PRKG1: variants seen among roughly 807,000 people sequenced by gnomAD.
PRKG1 encodes the protein protein kinase cGMP-dependent 1.
Under a neutral mutation model 88.1 loss-of-function variants are expected in PRKG1, and 35 were observed. The observed-to-expected ratio is 0.40, with a 90% CI of 0.30 to 0.53. The LOEUF is 0.53. Among genes scored for constraint, PRKG1 ranks in the 20% least tolerant of loss-of-function variants. PRKG1 has a pLI of 0.59. For missense variants in PRKG1, 540 were observed against 839.8 expected, an observed-to-expected ratio of 0.64 and a Z score of 4.41; for synonymous variants, 303 against 292.5, an observed-to-expected ratio of 1.04 and a Z score of -0.37.
intron 3 of PRKG1, among the ~76,000 whole-genome samples, chr10:51,476,976 A>G (rs10762173): frequency 0.7 from 105,514 of 151,812 alleles, 38,031 homozygotes; most frequent in African/African-American, 0.84. Flanking sequence ...GATCGATACT[A>G]CAATTGCATA....
At chr10:51,029,764 G>A (rs148891142) in intron 1 of PRKG1, among the ~76,000 whole-genome samples, 1 of 152,046 alleles carries the variant, frequency 6.6e-6, no homozygotes, top group Non-Finnish European at 1.5e-5. Context: ...AAATGAAATC[G>A]TGGCTTTGAT....
chr10:51,467,269 T>A (rs10997653), intron 2 of PRKG1, among the ~76,000 whole-genome samples: 1 of 151,708 alleles, frequency 6.6e-6, no homozygotes, highest in Non-Finnish European at 1.5e-5. Flanking sequence ...AAAGATACCA[T>A]GAGCAGAATT....
chr10:51,667,705 A>C (rs556220959), intron 3 of PRKG1, among the ~76,000 whole-genome samples: 32 of 152,240 alleles, frequency 2.1e-4, no homozygotes, highest in African/African-American at 6.7e-4. Flanking sequence ...ATACTGCTCA[A>C]ATTTATTAAG....
chr10:51,672,939 C>T (rs1323760485), intron 3 of PRKG1, among the ~76,000 whole-genome samples: 1 of 152,134 alleles, frequency 6.6e-6, no homozygotes, highest in Non-Finnish European at 1.5e-5. Flanking sequence ...TTCATAGGCA[C>T]ATGATTTGTT....
chr10:52,053,393 T>G (rs1354197003), intron 5 of PRKG1, among the ~76,000 whole-genome samples: 1 of 152,212 alleles, frequency 6.6e-6, no homozygotes, highest in African/African-American at 2.4e-5. Flanking sequence ...CTTAGCACTT[T>G]ATGTGTTAAG....
chr10:51,166,802 G>A (rs571295365), intron 2 of PRKG1, among the ~76,000 whole-genome samples: 78 of 152,288 alleles, frequency 5.1e-4, no homozygotes, highest in Non-Finnish European at 1.1e-3. Context: ...TCCACCTGCA[G>A]AAAGGGTGGT....
intron 3 of PRKG1, among the ~76,000 whole-genome samples, chr10:51,482,216 C>T (rs1006667112): frequency 2.6e-5 from 4 of 152,234 alleles, no homozygotes; most frequent in Admixed American, 6.5e-5. Context: ...CAAGTATGAA[C>T]GACATCCCTG....
At position 52,101,769 on chromosome 10, in the gene PRKG1, A is replaced by T. The variant is rs201699894; in HGVS notation, c.936-32071A>T. 5.3e-5 allele frequency among the ~76,000 whole-genome samples: 8 copies of T among 152,322 alleles called. No homozygotes were observed. The East Asian group carries it at 1.5e-3, about 29-fold the overall frequency. ...CTAGAATGAAATTGACAGAGGTTGTATTAGTTTCCTATTGCCAGTATAATG... is the reference window on the plus strand; with the variant it reads ...CTAGAATGAAATTGACAGAGGTTGTTTTAGTTTCCTATTGCCAGTATAATG... On this transcript the variant is annotated intron_variant, in intron 7 of 17. Coordinates refer to ENST00000373980, the MANE Select transcript of PRKG1 (RefSeq NM_006258.4).
chr10:51,454,741 C>T (rs1187179029), intron 2 of PRKG1, among the ~76,000 whole-genome samples: 1 of 152,164 alleles, frequency 6.6e-6, no homozygotes, highest in Non-Finnish European at 1.5e-5. Context: ...TTATTCACTA[C>T]CATGAGAACA....
At chr10:51,824,111 T>G (rs962824589) in intron 4 of PRKG1, among the ~76,000 whole-genome samples, 13 of 152,058 alleles carry the variant, frequency 8.5e-5, no homozygotes, top group African/African-American at 3.1e-4. Flanking sequence ...TGGGCTCAAG[T>G]GATTCTCCCG....
intron 3 of PRKG1, among the ~76,000 whole-genome samples, chr10:51,478,801 A>C (rs751812336): frequency 3.3e-5 from 5 of 152,058 alleles, no homozygotes; most frequent in Non-Finnish European, 7.4e-5. Flanking sequence ...GTGGAACCCA[A>C]AATGTAATAC....
chr10:51,526,124 C>A (rs1040392788), intron 3 of PRKG1, among the ~76,000 whole-genome samples: 1 of 151,962 alleles, frequency 6.6e-6, no homozygotes, highest in East Asian at 1.9e-4. Flanking sequence ...CCAGTCACTT[C>A]GCTACTATTA....
intron 3 of PRKG1, among the ~76,000 whole-genome samples, chr10:51,496,200 G>A (rs1458954287): frequency 2.6e-5 from 4 of 152,132 alleles, no homozygotes; most frequent in Non-Finnish European, 4.4e-5. Flanking sequence ...TATTCTGTAT[G>A]TCAGAATTTC....
intron 5 of PRKG1, among the ~76,000 whole-genome samples, chr10:51,950,398 T>G (rs1843154062): frequency 6.6e-6 from 1 of 152,224 alleles, no homozygotes; most frequent in African/African-American, 2.4e-5. Flanking sequence ...TCAATTAGAC[T>G]TATATGAGAG....
chr10:51,269,089 T>C (rs1042889082), intron 2 of PRKG1, among the ~76,000 whole-genome samples: 1 of 152,088 alleles, frequency 6.6e-6, no homozygotes, highest in Non-Finnish European at 1.5e-5. Context: ...CAAAAGAAGA[T>C]ATACAAATAG....
intron 5 of PRKG1, among the ~76,000 whole-genome samples, chr10:52,001,378 A>ATG (rs1844593204): frequency 1.3e-5 from 2 of 151,178 alleles, no homozygotes; most frequent in Admixed American, 6.6e-5. Flanking sequence ...AAAAAAAAAC[A>ATG]TAACTATGTG....
At chr10:51,974,465 A>G (rs1414531889) in intron 5 of PRKG1, among the ~76,000 whole-genome samples, 1 of 152,106 alleles carries the variant, frequency 6.6e-6, no homozygotes, top group African/African-American at 2.4e-5. Flanking sequence ...TCAAAGTCCA[A>G]ACTTGATCCA....
At chr10:51,727,978 G>A (rs1041431502) in intron 3 of PRKG1, among the ~76,000 whole-genome samples, 18 of 152,158 alleles carry the variant, frequency 1.2e-4, no homozygotes, top group African/African-American at 4.3e-4. Flanking sequence ...TGTCTTCCCT[G>A]CAATTTGGAA....
chr10:51,415,122 CAGT>C (rs1266299340), intron 2 of PRKG1, among the ~76,000 whole-genome samples: 4 of 152,182 alleles, frequency 2.6e-5, no homozygotes, highest in Non-Finnish European at 4.4e-5. Flanking sequence ...TCAGCGTGAT[CAGT>C]AGTTCAGGCA....
Sources: gnomAD v4.1 joint callset for allele counts (sites outside exome capture counted in the v4.1 genomes callset) on GRCh38, gnomAD v4.1.1 for gene constraint, MANE v1.5 for transcripts, NCBI Gene and HGNC (gene_info 2026-07-23, HGNC 2026-07-21) for gene names.